The following LIG1 variants were observed in gnomAD, a reference collection of about 807,000 sequenced individuals.
LIG1 encodes ligase I, DNA, ATP-dependent.
In LIG1, 70 loss-of-function variants were observed where a neutral mutation model predicts 115.7. That is an observed-to-expected ratio of 0.60 (90% CI 0.50 to 0.74). LIG1 has a LOEUF of 0.74. LIG1 is among the 30% of genes least tolerant of loss of function. The pLI is 0.00. For missense variants in LIG1, 1,115 were observed against 1,225.6 expected (o/e 0.91, Z 1.35); for synonymous variants, 487 against 495.3 (o/e 0.98, Z 0.22).
At chr19:48,145,597 C>G (rs1436007570) in intron 9 of LIG1, among the ~76,000 whole-genome samples, 2 of 152,246 alleles carry the variant, frequency 1.3e-5, no homozygotes, top group South Asian at 4.1e-4. Context: ...CACTGCAGGG[C>G]TGTGCATGGC....
chr19:48,134,157 G>C lies in LIG1; in HGVS notation c.1524-91C>G, dbSNP rs925844567. The C allele has an allele frequency of 1.9e-4, 225 of 1,167,078 alleles. 2 individuals carry two copies. In the Middle Eastern group the frequency reaches 3.3e-3, roughly 17 times the overall value. 72.3% of individuals were successfully genotyped at this position (1,167,078 alleles called of 1,614,324 possible). On this transcript the variant is annotated intron_variant, in intron 16 of 27. Coordinates refer to ENST00000263274, the MANE Select transcript of LIG1 (RefSeq NM_000234.3). ...GCTCGGCCTGCTCCCAGAAGCCTGGGCTCCTGGATGCCTCTGCCCACTGAG... is the reference window on the plus strand; with the variant it reads ...GCTCGGCCTGCTCCCAGAAGCCTGGCCTCCTGGATGCCTCTGCCCACTGAG...
intron 24 of LIG1, among the ~76,000 whole-genome samples, chr19:48,119,804 AAGTGCTGGGATTACAGGCGTG>A (rs2033142596): frequency 6.6e-6 from 1 of 152,050 alleles, no homozygotes; most frequent in Non-Finnish European, 1.5e-5. Flanking sequence ...CAGCCTCCCA[AAGTGCTGGGATTACAGGCGTG>A]AGTGGCCATG....
At chr19:48,127,520 G>A in intron 20 of LIG1, 172 bp from the exon 21 acceptor site, 1 of 649,188 alleles carries the variant, frequency 1.5e-6, no homozygotes, top group Non-Finnish European at 2.8e-6. Context: ...ACGGCTCTCA[G>A]CTAATTCCGA....
chr19:48,116,234 G>A (rs1246131425), intron 26 of LIG1: 2 of 423,126 alleles, frequency 4.7e-6, no homozygotes, highest in Non-Finnish European at 9.0e-6. Context: ...ACGAGGTCAG[G>A]AGATGGAGAC....
rs778253828 is a variant in LIG1 at position 48,122,981 on chromosome 19, C to T, written c.2185G>A (p.Val729Ile). The T allele has an allele frequency of 1.9e-6, 3 of 1,613,624 alleles. No individual in the cohort carries two copies. The African/African-American group carries it at 4.0e-5, about 22-fold the overall frequency. Residue 729 changes from valine to isoleucine, a missense_variant, in exon 23 of 28, where the codon GTT becomes ATT. By Grantham distance (29) the Val-to-Ile change is conservative (BLOSUM62 3). Transcript: ENST00000263274. The surrounding 1 kb of genome is among the most constrained non-coding windows in gnomAD (Gnocchi z 4.3). ...TTGGCGATCTCGTAGGTGGCATCAACATCCAGGGTCTTCACCATCAGCCCC... is the reference window on the plus strand; with the variant it reads ...TTGGCGATCTCGTAGGTGGCATCAATATCCAGGGTCTTCACCATCAGCCCC... ...CEGLMVKTLDVDATYEIAKRS... is the reference protein window; with the variant it reads ...CEGLMVKTLDIDATYEIAKRS...
intron 11 of LIG1, 37 bp downstream of exon 11, chr19:48,143,506 G>GGGGGGGC: frequency 1.1e-6 from 1 of 898,152 alleles, no homozygotes; most frequent in Non-Finnish European, 1.9e-6. Flanking sequence ...ACCCAGAAGC[G>GGGGGGGC]ACCCCGCCCC....
chr19:48,124,096 G>C (rs1448967509), intron 21 of LIG1, among the ~76,000 whole-genome samples: 1 of 152,106 alleles, frequency 6.6e-6, no homozygotes. Context: ...TCTTTTGTTC[G>C]ATCGGTCCCC....
At chr19:48,126,908 C>A in intron 21 of LIG1, 1 of 271,004 alleles carries the variant, frequency 3.7e-6, no homozygotes, top group Non-Finnish European at 7.4e-6. Flanking sequence ...AAACATAACC[C>A]AAGTTTTGAG....
rs1233389948 is a variant in LIG1, at chr19:48,127,205, AG to A, written c.2004+71del. Reference sequence around the variant, plus strand: ...TGGCAGAGTCGGAAATGGAAGTCAGAGGGGCAGCTGCCAGGCTCACACCCCA... The same window carrying A: ...TGGCAGAGTCGGAAATGGAAGTCAGAGGGCAGCTGCCAGGCTCACACCCCA... On this transcript the variant is annotated intron_variant, in intron 21 of 27. Coordinates refer to ENST00000263274, the MANE Select transcript of LIG1 (RefSeq NM_000234.3). The A allele has an allele frequency of 3.4e-5, 42 of 1,231,740 alleles. No individual in the cohort carries two copies. In the East Asian group the frequency reaches 8.1e-4, roughly 24 times the overall value. 76.3% of individuals were successfully genotyped at this position (1,231,740 alleles called of 1,614,324 possible).
At chr19:48,117,190 T>C (rs1599727459) in intron 26 of LIG1, among the ~76,000 whole-genome samples, 1 of 151,944 alleles carries the variant, frequency 6.6e-6, no homozygotes, top group African/African-American at 2.4e-5. Flanking sequence ...GACAGAGTCT[T>C]GCTTTGTCAC....
intron 25 of LIG1, chr19:48,118,544 T>A (rs74967000): frequency 6.9e-6 from 1 of 144,024 alleles, no homozygotes; most frequent in African/African-American, 2.6e-5. Flanking sequence ...CTTTTTTTTT[T>A]TTTTTTTTTT....
At chr19:48,126,281 C>T (rs897744222) in intron 21 of LIG1, among the ~76,000 whole-genome samples, 1 of 151,978 alleles carries the variant, frequency 6.6e-6, no homozygotes, top group Admixed American at 6.6e-5. Flanking sequence ...TGTTCTCAAA[C>T]TGTTGTCTTG....
At chr19:48,138,004 C>G in intron 12 of LIG1, 1 of 463,434 alleles carries the variant, frequency 2.2e-6, no homozygotes, top group Admixed American at 3.4e-5. Context: ...ACAGGCGGGA[C>G]AAGGTCACTA....
intron 20 of LIG1, chr19:48,127,682 G>C (rs1377266879): frequency 1.6e-6 from 1 of 625,756 alleles, no homozygotes; most frequent in Non-Finnish European, 2.9e-6. Flanking sequence ...TTCTTTCATA[G>C]TAAAACAACA....
At chr19:48,131,864 T>C (rs1437005268) in intron 18 of LIG1, among the ~76,000 whole-genome samples, 4 of 152,030 alleles carry the variant, frequency 2.6e-5, no homozygotes, top group Admixed American at 2.6e-4. Flanking sequence ...CTATCGTAAA[T>C]CATCTTGTGT....
intron 9 of LIG1, 74 bp downstream of exon 9, chr19:48,149,688 TG>T: frequency 8.6e-7 from 1 of 1,166,234 alleles, no homozygotes; most frequent in Non-Finnish European, 1.3e-6. Flanking sequence ...AAGCCTGAGC[TG>T]GGGGTGGGGC....
chr19:48,132,790 CAAAAAAA>C (rs71181649), intron 18 of LIG1, among the ~76,000 whole-genome samples, 185 bp downstream of exon 18: 41 of 48,254 alleles, frequency 8.5e-4, no homozygotes, highest in Admixed American at 8.4e-3. Flanking sequence ...GACTCTGTCT[CAAAAAAA>C]AAAAAAAAAA....
intron 2 of LIG1, among the ~76,000 whole-genome samples, chr19:48,162,597 C>T (rs561082884): frequency 4.6e-5 from 7 of 152,172 alleles, no homozygotes; most frequent in African/African-American, 1.4e-4. Flanking sequence ...CCATGCCCAG[C>T]TAATTTTTTG....
At chr19:48,169,061 A>G (rs1042910075) in intron 1 of LIG1, among the ~76,000 whole-genome samples, 5 of 152,212 alleles carry the variant, frequency 3.3e-5, no homozygotes, top group African/African-American at 1.2e-4. Context: ...TGATACAAGC[A>G]ACAACTTGGG....
Sources: gnomAD v4.1 joint callset for allele counts (sites outside exome capture counted in the v4.1 genomes callset) on GRCh38, gnomAD v4.1.1 for gene constraint, Gnocchi (gnomAD v3.1) non-coding constraint, MANE v1.5 for transcripts, NCBI Gene and HGNC (gene_info 2026-07-23, HGNC 2026-07-21) for gene names.